NFAT5: variants seen among roughly 807,000 people sequenced by gnomAD.
The protein encoded by NFAT5 is nuclear factor of activated T-cells 5.
Under a neutral mutation model 166.5 loss-of-function variants are expected in NFAT5, and 31 were observed. The ratio of observed to expected loss-of-function variants is 0.19; its 90% CI spans 0.14 to 0.25. NFAT5 has a LOEUF of 0.25. Ranked by LOEUF, NFAT5 falls within the 10% of genes least tolerant of loss-of-function variation. NFAT5 has a pLI of 1.00. For synonymous variants in NFAT5, 612 were observed against 639.7 expected, an observed-to-expected ratio of 0.96 and a Z score of 0.65; for missense variants, 1,449 against 1,821.8, an observed-to-expected ratio of 0.80 and a Z score of 3.72.
At chr16:69,680,411 A>C (rs1010080081) in intron 10 of NFAT5, among the ~76,000 whole-genome samples, 2 of 152,214 alleles carry the variant, frequency 1.3e-5, no homozygotes, top group African/African-American at 4.8e-5. Flanking sequence ...ACTTTGAAGT[A>C]CTTAGCATCA....
chr16:69,617,769 G>C (rs543111573), intron 2 of NFAT5, among the ~76,000 whole-genome samples: 2 of 152,130 alleles, frequency 1.3e-5, no homozygotes, highest in Non-Finnish European at 1.5e-5. Context: ...CTGGATTACA[G>C]GCATGAGCCA....
chr16:69,587,687 C>A (rs2032170894), intron 2 of NFAT5, among the ~76,000 whole-genome samples: 1 of 152,112 alleles, frequency 6.6e-6, no homozygotes, highest in Admixed American at 6.6e-5. Context: ...CTGTGCCCAG[C>A]CTAATTTCAC....
intron 2 of NFAT5, among the ~76,000 whole-genome samples, chr16:69,577,494 T>C (rs564814602): frequency 1.3e-5 from 2 of 152,312 alleles, no homozygotes; most frequent in African/African-American, 2.4e-5. Context: ...TTAAAAATAC[T>C]GTGTTCCCTT....
intron 2 of NFAT5, among the ~76,000 whole-genome samples, chr16:69,602,734 A>T (rs2033199068): frequency 1.3e-5 from 2 of 151,258 alleles, no homozygotes; most frequent in South Asian, 4.2e-4. Flanking sequence ...CCTCCCAAGT[A>T]GTTGGGACTA....
chr16:69,635,045 T>A (rs1416276627), intron 3 of NFAT5, among the ~76,000 whole-genome samples: 2 of 103,120 alleles, frequency 1.9e-5, no homozygotes, highest in South Asian at 3.2e-4. Flanking sequence ...TTTTTTTTTT[T>A]TGTCATCCAG....
Position 69,626,396 on chromosome 16 carries a change from C to T in NFAT5, c.128-7C>T, listed in dbSNP as rs1430533610. 2.6e-6 allele frequency: 4 copies of T among 1,554,800 alleles called. No homozygotes were observed. Among genetic ancestry groups the T allele is most frequent in the African/African-American group, 1.4e-5 (1 of 71,578 alleles). ...ATTGTTTTCTCCTCTCTTTCCCCTC[C>T]CCACAGAATCTGTCTATGATCTTCT... On this transcript the variant is annotated splice_polypyrimidine_tract_variant and splice_region_variant and intron_variant, in intron 2 of 14. Transcript: ENST00000349945.
Position 69,693,218 on chromosome 16 carries a change from G to C in NFAT5, c.3393G>C (p.Gln1131His). 1 of 1,614,128 alleles carries C rather than the reference G, an allele frequency of 6.2e-7. No individual in the cohort carries two copies. Among genetic ancestry groups the C allele is most frequent in the South Asian group, 1.1e-5 (1 of 91,082 alleles). Residue 1131 changes from glutamine to histidine, a missense_variant, in exon 13 of 15, where the codon CAG becomes CAC. Physicochemically the swap from Gln to His is conservative, Grantham distance 24. Transcript: ENST00000349945. ...QTSTTSSEQM[Q>H]PPMFHSQSTI... ...CTACAACCTCCTCTGAACAAATGCA[G>C]CCTCCAATGTTTCACTCTCAAAGTA...
chr16:69,605,285 C>G (rs1180088767), intron 2 of NFAT5, among the ~76,000 whole-genome samples: 5 of 152,018 alleles, frequency 3.3e-5, no homozygotes, highest in African/African-American at 1.2e-4. Flanking sequence ...ACTAAAAATA[C>G]AAAAATTAGC....
chr16:69,576,125 A>AC (rs1399266230), intron 2 of NFAT5, among the ~76,000 whole-genome samples: 1 of 151,384 alleles, frequency 6.6e-6, no homozygotes, highest in Middle Eastern at 3.4e-3. Flanking sequence ...ACATGGTGAA[A>AC]CCCCGTCTCT....
chr16:69,700,700 A>G lies in NFAT5; in HGVS notation c.*4349A>G, dbSNP rs936541931. Reference sequence around the variant, plus strand: ...ACCGAGACAGCTGTCTTATATCTGCATGCCTTAGACTGTGTGGAGGGACTC... The same window carrying G: ...ACCGAGACAGCTGTCTTATATCTGCGTGCCTTAGACTGTGTGGAGGGACTC... On this transcript the variant is annotated 3_prime_UTR_variant, in exon 15 of 15. Transcript: ENST00000349945. 3 of 152,168 alleles carry G rather than the reference A, an allele frequency of 2.0e-5. No individual in the cohort carries two copies. Among genetic ancestry groups the G allele is most frequent in the Non-Finnish European group, 2.9e-5 (2 of 68,028 alleles). The allele number at this position is 152,168 out of a possible 1,614,324, so 9.4% of individuals were successfully genotyped here. A position where few individuals can be genotyped will look rare whatever the true frequency, so the allele number is the denominator to read the frequency against.
intron 7 of NFAT5, among the ~76,000 whole-genome samples, chr16:69,669,412 G>A (rs2036535341): frequency 6.6e-6 from 1 of 152,160 alleles, no homozygotes; most frequent in Admixed American, 6.6e-5. Context: ...GGGCGTGGTA[G>A]TGTGCATCTG....
Position 69,566,050 on chromosome 16 carries a change from C to G in NFAT5, c.-252C>G, listed in dbSNP as rs1468556820. On this transcript the variant is annotated 5_prime_UTR_variant, in exon 1 of 15. Coordinates refer to ENST00000349945, the MANE Select transcript of NFAT5 (RefSeq NM_138713.4). This position sits in a 1 kb window ranked among gnomAD's most constrained non-coding sequence, Gnocchi z 5.7. ...ACGAAACGGACCCTTTGGCTCTCCCCCTTCCCCTTCCCCGTCCTGAACCCC... is the reference window on the plus strand; with the variant it reads ...ACGAAACGGACCCTTTGGCTCTCCCGCTTCCCCTTCCCCGTCCTGAACCCC... 1 of 517,974 alleles carries G rather than the reference C, an allele frequency of 1.9e-6. No individual in the cohort carries two copies. Among genetic ancestry groups the G allele is most frequent in the African/African-American group, 2.1e-5 (1 of 48,344 alleles). The allele number at this position is 517,974 out of a possible 1,614,324, so 32.1% of individuals were successfully genotyped here. A position where few individuals can be genotyped will look rare whatever the true frequency, so the allele number is the denominator to read the frequency against.
rs2037620319 is a variant in NFAT5, at chr16:69,693,145, A to G, written c.3320A>G (p.Gln1107Arg). Residue 1107 changes from glutamine to arginine, a missense_variant, in exon 13 of 15, where the codon CAA becomes CGA. Around this residue, in one of 7 missense-constraint regions of NFAT5, gnomAD observed 891 missense variants for 993.0 expected, o/e 0.90. Coordinates refer to ENST00000349945, the MANE Select transcript of NFAT5 (RefSeq NM_138713.4). Reference protein sequence around the residue: ...ADAQNLSQETQGSLFHSPNPI... With the variant: ...ADAQNLSQETRGSLFHSPNPI... ...GCTCAGAACCTTTCCCAGGAAACTC[A>G]AGGTTCTCTCTTTCATAGTCCAAAT... The G allele has an allele frequency of 6.2e-7, 1 of 1,614,014 alleles. No individual in the cohort carries two copies. Among genetic ancestry groups the G allele is most frequent in the South Asian group, 1.1e-5 (1 of 91,078 alleles).
chr16:69,659,699 C>T lies in NFAT5; in HGVS notation c.1197-28C>T, dbSNP rs775815080. 4 of 1,501,648 alleles carry T rather than the reference C, an allele frequency of 2.7e-6. No homozygotes were observed. The South Asian group carries it at 5.6e-5, about 21-fold the overall frequency. 93.0% of individuals were successfully genotyped at this position (1,501,648 alleles called of 1,614,324 possible). On this transcript the variant is annotated intron_variant, in intron 6 of 14. Transcript: ENST00000349945. The stretch of plus-strand genomic sequence containing the variant: ...TTATACTATTTATACAACAAAATGT[C>T]CCTTTATATATTTTTTTTCTGTATT...
At chr16:69,608,082 C>T (rs1597391704) in intron 2 of NFAT5, among the ~76,000 whole-genome samples, 2 of 152,070 alleles carry the variant, frequency 1.3e-5, no homozygotes, top group Non-Finnish European at 2.9e-5. Context: ...TGGCCGGTCA[C>T]GGTGGCTCAC....
intron 2 of NFAT5, among the ~76,000 whole-genome samples, chr16:69,596,270 A>G (rs1377122081): frequency 2.0e-5 from 3 of 152,194 alleles, no homozygotes; most frequent in Non-Finnish European, 4.4e-5. Flanking sequence ...CTTTGCTCAT[A>G]ATTTTATAGA....
intron 11 of NFAT5, among the ~76,000 whole-genome samples, chr16:69,686,967 A>G (rs2037332834): frequency 6.6e-6 from 1 of 152,242 alleles, no homozygotes; most frequent in East Asian, 1.9e-4. Context: ...TGATGTTCTT[A>G]GAGCAAATTA....
At chr16:69,582,439 A>G (rs902512334) in intron 2 of NFAT5, among the ~76,000 whole-genome samples, 14 of 151,960 alleles carry the variant, frequency 9.2e-5, no homozygotes, top group African/African-American at 3.1e-4. Flanking sequence ...TGCCTAGCCC[A>G]GGGTCACAGA....
chr16:69,687,709 T>A (rs2037365926), intron 11 of NFAT5, among the ~76,000 whole-genome samples: 1 of 152,188 alleles, frequency 6.6e-6, no homozygotes, highest in African/African-American at 2.4e-5. Flanking sequence ...AAATTGTAGA[T>A]CTGTTAAGCA....
Sources: allele counts gnomAD v4.1 joint callset (sites outside exome capture counted in the v4.1 genomes callset), GRCh38; gene constraint gnomAD v4.1.1; regional missense constraint gnomAD v4.1.1; non-coding constraint Gnocchi (gnomAD v3.1); transcripts MANE v1.5; gene names NCBI Gene and HGNC (gene_info 2026-07-23, HGNC 2026-07-21).